Variants in CACNB2 observed in about 807,000 individuals in gnomAD.
The protein encoded by CACNB2 is calcium voltage-gated channel auxiliary subunit beta 2.
Under a neutral mutation model 73.3 loss-of-function variants are expected in CACNB2, and 42 were observed. The observed-to-expected ratio is 0.57, with a 90% CI of 0.45 to 0.74. CACNB2 has a LOEUF of 0.74. Ranked by LOEUF, CACNB2 falls within the 30% of genes least tolerant of loss-of-function variation. The pLI is 0.00. For synonymous variants in CACNB2, 348 were observed against 310.3 expected (o/e 1.12, Z -1.28); for missense variants, 940 against 853.0 (o/e 1.10, Z -1.27).
intron 2 of CACNB2, among the ~76,000 whole-genome samples, chr10:18,357,804 C>T (rs1291528906): frequency 6.6e-6 from 1 of 152,158 alleles, no homozygotes; most frequent in Non-Finnish European, 1.5e-5. Flanking sequence ...GTATTCCTAG[C>T]CACTGTGTAC....
intron 4 of CACNB2, among the ~76,000 whole-genome samples, chr10:18,499,270 G>A (rs571318587): frequency 3.3e-5 from 5 of 152,180 alleles, no homozygotes; most frequent in Admixed American, 6.5e-5. Context: ...TGTGTAAATC[G>A]AAACTCTTCA....
chr10:18,284,757 A>G (rs1044629132), intron 2 of CACNB2, among the ~76,000 whole-genome samples: 9 of 152,186 alleles, frequency 5.9e-5, no homozygotes, highest in South Asian at 2.1e-4. Context: ...ACTGCTGTGT[A>G]TGAGGCAGTA....
At chr10:18,364,128 T>A (rs1277415930) in intron 2 of CACNB2, among the ~76,000 whole-genome samples, 1 of 151,380 alleles carries the variant, frequency 6.6e-6, no homozygotes, top group East Asian at 1.9e-4. Context: ...GTATTTTCAG[T>A]GGAGATGGGG....
chr10:18,355,965 C>T (rs1028594978), intron 2 of CACNB2, among the ~76,000 whole-genome samples: 6 of 151,968 alleles, frequency 3.9e-5, no homozygotes, highest in East Asian at 1.9e-4. Context: ...CTGTAATGTC[C>T]GAGTCAACTA....
chr10:18,359,802 A>C (rs2042072442), intron 2 of CACNB2, among the ~76,000 whole-genome samples: 1 of 151,136 alleles, frequency 6.6e-6, no homozygotes, highest in Non-Finnish European at 1.5e-5. Flanking sequence ...TTAAACTGGC[A>C]TGTTTCTTGG....
At chr10:18,444,399 G>T (rs2132557853) in intron 3 of CACNB2, among the ~76,000 whole-genome samples, 1 of 152,266 alleles carries the variant, frequency 6.6e-6, no homozygotes, top group African/African-American at 2.4e-5. Flanking sequence ...TTACTGAATT[G>T]ATTGTATTTT....
intron 12 of CACNB2, 133 bp from the exon 13 acceptor site, chr10:18,538,047 G>GTAGCAGCACTTATAGAAGC (rs1248186819): frequency 4.4e-5 from 37 of 836,398 alleles, no homozygotes; most frequent in African/African-American, 4.1e-4. Flanking sequence ...AAGGGAGATA[G>GTAGCAGCACTTATAGAAGC]TAGCAGCACT....
At chr10:18,202,341 A>G (rs1236416754) in intron 2 of CACNB2, among the ~76,000 whole-genome samples, 1 of 152,174 alleles carries the variant, frequency 6.6e-6, no homozygotes, top group East Asian at 1.9e-4. Flanking sequence ...TCGAATTTCT[A>G]GTTTCTTCTC....
intron 2 of CACNB2, among the ~76,000 whole-genome samples, chr10:18,168,986 T>C (rs1224830318): frequency 6.6e-6 from 1 of 152,182 alleles, no homozygotes; most frequent in Non-Finnish European, 1.5e-5. Flanking sequence ...ACAACTGTTT[T>C]CTTCTGTTTA....
In CACNB2 at chr10:18,454,850, G is replaced by A. The variant is rs75765427; in HGVS notation, c.334-43505G>A. On this transcript the variant is annotated intron_variant, in intron 3 of 13. Transcript: ENST00000324631. The stretch of plus-strand genomic sequence containing the variant: ...GGCCAGGAGTTCAAGGCCTGCCTGG[G>A]CAACATAGAAAGACTGCCCCCCGCT... Among the ~76,000 whole-genome samples the A allele has an allele frequency of 2.1e-3, 318 of 152,246 alleles. 1 individual carries two copies. Among genetic ancestry groups the A allele is most frequent in the African/African-American group, 7.5e-3 (311 of 41,550 alleles).
At chr10:18,380,333 G>A (rs1251641308) in intron 2 of CACNB2, among the ~76,000 whole-genome samples, 1 of 151,830 alleles carries the variant, frequency 6.6e-6, no homozygotes, top group Non-Finnish European at 1.5e-5. Flanking sequence ...GAATATTACA[G>A]TCTAACTAGG....
intron 3 of CACNB2, among the ~76,000 whole-genome samples, chr10:18,486,874 C>T (rs143489625): frequency 1.5e-4 from 23 of 152,096 alleles, no homozygotes; most frequent in African/African-American, 4.3e-4. Flanking sequence ...CATTGTCTCA[C>T]GGCAGGGAAA....
At chr10:18,363,845 T>G (rs182416454) in intron 2 of CACNB2, among the ~76,000 whole-genome samples, 42 of 152,248 alleles carry the variant, frequency 2.8e-4, no homozygotes, top group Non-Finnish European at 5.9e-4. Context: ...AAACAGATCA[T>G]TTTGGATAAG....
chr10:18,443,614 T>C (rs1396236221), intron 3 of CACNB2, among the ~76,000 whole-genome samples: 1 of 152,182 alleles, frequency 6.6e-6, no homozygotes, highest in Non-Finnish European at 1.5e-5. Flanking sequence ...GAATCCTTTA[T>C]TGTCCCTTTC....
intron 2 of CACNB2, among the ~76,000 whole-genome samples, chr10:18,278,163 A>C (rs2038379967): frequency 6.6e-6 from 1 of 152,226 alleles, no homozygotes; most frequent in African/African-American, 2.4e-5. Context: ...TCATGACGAA[A>C]GAAATGCAGG....
chr10:18,215,833 C>A (rs1393091533), intron 2 of CACNB2, among the ~76,000 whole-genome samples: 3 of 152,086 alleles, frequency 2.0e-5, no homozygotes, highest in Non-Finnish European at 2.9e-5. Context: ...TTAAGAGAAG[C>A]CTGTGGTCTG....
intron 2 of CACNB2, among the ~76,000 whole-genome samples, chr10:18,243,027 A>G (rs2036725027): frequency 6.6e-6 from 1 of 151,690 alleles, no homozygotes; most frequent in Non-Finnish European, 1.5e-5. Flanking sequence ...AAACAAAAAA[A>G]AGAAAACATG....
chr10:18,450,235 T>G (rs535420256), intron 3 of CACNB2, among the ~76,000 whole-genome samples: 1 of 152,326 alleles, frequency 6.6e-6, no homozygotes, highest in East Asian at 1.9e-4. Flanking sequence ...AAGTGCATGT[T>G]TACTAAATCA....
intron 3 of CACNB2, among the ~76,000 whole-genome samples, chr10:18,411,634 G>C (rs1173098060): frequency 2.0e-5 from 3 of 151,626 alleles, no homozygotes; most frequent in African/African-American, 7.3e-5. Flanking sequence ...TCAGCCTCCG[G>C]AGTAGCTGGG....
Sources: gnomAD v4.1 joint callset for allele counts (sites outside exome capture counted in the v4.1 genomes callset) on GRCh38, gnomAD v4.1.1 for gene constraint, MANE v1.5 for transcripts, NCBI Gene and HGNC (gene_info 2026-07-23, HGNC 2026-07-21) for gene names.